ADD1: variants seen among roughly 807,000 people sequenced by gnomAD.
ADD1 encodes the protein adducin 1, also known as alpha-adducin.
A neutral mutation model predicts 80.5 loss-of-function variants in ADD1; 24 were observed. The ratio of observed to expected loss-of-function variants is 0.30; its 90% CI spans 0.22 to 0.42. The LOEUF (loss-of-function observed/expected upper bound fraction) is 0.42. Among genes scored for constraint, ADD1 ranks in the 10% least tolerant of loss-of-function variants. ADD1 has a pLI of 1.00. For missense variants in ADD1, 948 were observed against 1,019.0 expected, an observed-to-expected ratio of 0.93 and a Z score of 0.95; for synonymous variants, 373 against 393.8, an observed-to-expected ratio of 0.95 and a Z score of 0.63.
intron 1 of ADD1, among the ~76,000 whole-genome samples, chr4:2,855,537 G>A (rs1453913783): frequency 1.3e-5 from 2 of 150,260 alleles, no homozygotes; most frequent in East Asian, 3.9e-4. Flanking sequence ...CTAATATTCT[G>A]TCGCCCTCCT....
chr4:2,896,888 A>G (rs1346412323), intron 6 of ADD1, among the ~76,000 whole-genome samples: 1 of 152,090 alleles, frequency 6.6e-6, no homozygotes, highest in East Asian at 1.9e-4. Context: ...CCTCCTGAGT[A>G]GGTGGGACTA....
intron 1 of ADD1, among the ~76,000 whole-genome samples, chr4:2,862,994 A>G (rs1729022950): frequency 6.6e-6 from 1 of 152,000 alleles, no homozygotes; most frequent in South Asian, 2.1e-4. Context: ...TCTCTCCATG[A>G]CCCAACTATA....
chr4:2,851,267 A>G (rs1560136421), intron 1 of ADD1, among the ~76,000 whole-genome samples: 1 of 152,220 alleles, frequency 6.6e-6, no homozygotes, highest in South Asian at 2.1e-4. Flanking sequence ...AAAATGGTGA[A>G]ATTCTCTGAA....
chr4:2,867,358 AG>A (rs1452157915), intron 1 of ADD1, among the ~76,000 whole-genome samples: 2 of 152,216 alleles, frequency 1.3e-5, no homozygotes, highest in Non-Finnish European at 2.9e-5. Flanking sequence ...GAAGTTTTAT[AG>A]GAGTATGAGT....
At chr4:2,900,957 G>C (rs977718447) in intron 9 of ADD1, 1 of 152,370 alleles carries the variant, frequency 6.6e-6, no homozygotes, top group African/African-American at 2.4e-5. Flanking sequence ...TCCCAAATGA[G>C]CCCTGCCCCT....
chr4:2,890,800 C>T (rs1734186533), intron 4 of ADD1, among the ~76,000 whole-genome samples: 1 of 151,954 alleles, frequency 6.6e-6, no homozygotes, highest in Admixed American at 6.6e-5. Flanking sequence ...TGTAAATACC[C>T]TTGTATGTGT....
chr4:2,863,031 C>T (rs1315782331), intron 1 of ADD1, among the ~76,000 whole-genome samples: 1 of 152,006 alleles, frequency 6.6e-6, no homozygotes, highest in Non-Finnish European at 1.5e-5. Context: ...GGCTTCTCCC[C>T]TCTACCTCAG....
chr4:2,905,213 C>T (rs1413858107), intron 10 of ADD1, 105 bp downstream of exon 10: 16 of 1,035,244 alleles, frequency 1.5e-5, no homozygotes, highest in South Asian at 7.4e-5. Flanking sequence ...AGGTGTAAAG[C>T]GAACCTTCCT....
intron 1 of ADD1, among the ~76,000 whole-genome samples, chr4:2,868,715 G>A (rs915641861): frequency 6.6e-6 from 1 of 152,216 alleles, no homozygotes; most frequent in Non-Finnish European, 1.5e-5. Context: ...ACAGACCAGT[G>A]ATGGAGCAAG....
chr4:2,880,986 A>G (rs947678744), intron 2 of ADD1, among the ~76,000 whole-genome samples: 3 of 151,972 alleles, frequency 2.0e-5, no homozygotes, highest in African/African-American at 7.3e-5. Context: ...TTTTGAAGAA[A>G]GTACTGCAAA....
Position 2,861,434 on chromosome 4 carries a change from T to C in ADD1, c.-20-14462T>C, listed in dbSNP as rs368861399. On this transcript the variant is annotated intron_variant, in intron 1 of 15. Coordinates refer to ENST00000683351, the MANE Select transcript of ADD1 (RefSeq NM_001354761.2). The stretch of plus-strand genomic sequence containing the variant: ...TATGGAGAATGAATTATTAAGAGTT[T>C]ATGAGTTTAGATACAGAGAGACAAG... 3.3e-5 allele frequency among the ~76,000 whole-genome samples: 5 copies of C among 152,282 alleles called. No individual in the cohort carries two copies. The South Asian group carries it at 1.0e-3, about 32-fold the overall frequency.
At chr4:2,883,273 A>C (rs1377624049) in intron 3 of ADD1, among the ~76,000 whole-genome samples, 1 of 152,100 alleles carries the variant, frequency 6.6e-6, no homozygotes, top group Admixed American at 6.5e-5. Flanking sequence ...CCCTTTCCGA[A>C]ATAATAAGTT....
At chr4:2,844,604 G>A (rs894964237) in intron 1 of ADD1, 1 of 152,164 alleles carries the variant, frequency 6.6e-6, no homozygotes, top group African/African-American at 2.4e-5. Context: ...TTTTTTGGGA[G>A]ATGTCAGAGG....
intron 6 of ADD1, among the ~76,000 whole-genome samples, chr4:2,897,827 CCTT>C (rs1735516476): frequency 6.6e-6 from 1 of 152,040 alleles, no homozygotes; most frequent in Non-Finnish European, 1.5e-5. Flanking sequence ...TGATGGGAAG[CCTT>C]CTTTTGAAAT....
rs372911154 is a variant in ADD1, at chr4:2,854,202, T to C, written c.-21+10178T>C. ...AGCCCAGTGTGGTGGCACACGCCTG[T>C]AATACCAGCTACTCAGGAGGCTGAG... is the stretch of plus-strand genomic sequence containing the variant. On this transcript the variant is annotated intron_variant, in intron 1 of 15. Coordinates refer to ENST00000683351, the MANE Select transcript of ADD1 (RefSeq NM_001354761.2). Among the ~76,000 whole-genome samples, 16 of 152,230 alleles carry C rather than the reference T, an allele frequency of 1.1e-4. No homozygotes were observed. In the South Asian group the frequency reaches 1.9e-3, roughly 18 times the overall value.
chr4:2,909,875 C>G (rs1039877215), intron 13 of ADD1, among the ~76,000 whole-genome samples: 4 of 149,550 alleles, frequency 2.7e-5, no homozygotes, highest in African/African-American at 9.9e-5. Context: ...AATGTAGCCA[C>G]TAGAGGTCAT....
At chr4:2,886,508 A>C (rs1216931871) in intron 4 of ADD1, among the ~76,000 whole-genome samples, 1 of 152,152 alleles carries the variant, frequency 6.6e-6, no homozygotes, top group African/African-American at 2.4e-5. Context: ...TCGCTGCTTT[A>C]TTCCCCTGTA....
chr4:2,870,971 C>CT (rs34690642), intron 1 of ADD1, among the ~76,000 whole-genome samples: 3,349 of 139,656 alleles, frequency 0.024, 93 homozygotes, highest in African/African-American at 0.06. Flanking sequence ...CATTTTCTTT[C>CT]TTTTTTTTTT....
rs1315450709 is a variant in ADD1 at position 2,928,386 on chromosome 4, G to GC, written c.2268dup (p.Ser757LeufsTer42). ...CCCAGCCCCGGTGGCTGAAGAGGCT[G>GC]CCCCCTCAGCTGTCGAGGAGGGGGC... is the stretch of plus-strand genomic sequence containing the variant. On this transcript the variant is annotated frameshift_variant, in exon 16 of 16. Transcript: ENST00000683351. LOFTEE classifies it high-confidence loss of function. 1 of 1,612,990 alleles carries GC rather than the reference G, an allele frequency of 6.2e-7. No homozygotes were observed. The highest frequency in any genetic ancestry group is 8.5e-7 in the Non-Finnish European group (1 of 1,179,870).
Sources: allele counts gnomAD v4.1 joint callset (sites outside exome capture counted in the v4.1 genomes callset), GRCh38; gene constraint gnomAD v4.1.1; transcripts MANE v1.5; gene names NCBI Gene and HGNC (gene_info 2026-07-23, HGNC 2026-07-21).